The following DNAJC3 variants were observed in gnomAD, a reference collection of about 807,000 sequenced individuals.
The protein encoded by DNAJC3 is dnaJ homolog subfamily C member 3.
A neutral mutation model predicts 68.6 loss-of-function variants in DNAJC3; 38 were observed. The ratio of observed to expected loss-of-function variants is 0.55; its 90% confidence interval spans 0.43 to 0.73. The LOEUF is 0.73. DNAJC3 is among the 30% of genes least tolerant of loss of function. DNAJC3 has a pLI of 0.00. For synonymous variants in DNAJC3, 203 were observed against 204.0 expected, an observed-to-expected ratio of 1.00 and a Z score of 0.04; for missense variants, 526 against 591.9, an observed-to-expected ratio of 0.89 and a Z score of 1.16.
chr13:95,695,836 A>G (rs1195566799), intron 1 of DNAJC3: 1 of 152,204 alleles, frequency 6.6e-6, no homozygotes, highest in African/African-American at 2.4e-5. Context: ...ATACCGCTTC[A>G]CCATCAACAC....
intron 4 of DNAJC3, among the ~76,000 whole-genome samples, chr13:95,739,556 C>T (rs988480295): frequency 7.2e-5 from 11 of 151,968 alleles, no homozygotes; most frequent in South Asian, 4.1e-4. Flanking sequence ...CTTCCCTTCT[C>T]GCTTCATTTC....
chr13:95,794,381 T>G lies in DNAJC3; in HGVS notation c.*3351T>G, dbSNP rs1179234504. On this transcript the variant is annotated 3_prime_UTR_variant, in exon 12 of 12. Coordinates refer to ENST00000602402, the MANE Select transcript of DNAJC3 (RefSeq NM_006260.5). ...GGTGAGGTTACAGACACGGCCCTGG[T>G]GATGGGCGTTGCAAAGTTTTCACTG... is the stretch of plus-strand genomic sequence containing the variant. 1 of 152,198 alleles carries G rather than the reference T, an allele frequency of 6.6e-6. No homozygotes were observed. The highest frequency in any genetic ancestry group is 6.5e-5 in the Admixed American group (1 of 15,276). The allele number at this position is 152,198 out of a possible 1,614,324, so 9.4% of individuals were successfully genotyped here. A position where few individuals can be genotyped will look rare whatever the true frequency, so the allele number is the denominator to read the frequency against.
intron 2 of DNAJC3, among the ~76,000 whole-genome samples, chr13:95,722,457 C>T: frequency 6.6e-6 from 1 of 151,984 alleles, no homozygotes; most frequent in Non-Finnish European, 1.5e-5. Flanking sequence ...TAGAGACAAA[C>T]TGAATTGCAT....
rs1393039075 is a variant in DNAJC3 at position 95,791,997 on chromosome 13, C to CTTCTA, written c.*969_*973dup. 1 of 152,118 alleles carries CTTCTA rather than the reference C, an allele frequency of 6.6e-6. No individual in the cohort carries two copies. Among genetic ancestry groups the CTTCTA allele is most frequent in the Non-Finnish European group, 1.5e-5 (1 of 68,048 alleles). 9.4% of individuals were successfully genotyped at this position (152,118 alleles called of 1,614,324 possible). A position where few individuals can be genotyped will look rare whatever the true frequency, so the allele number is the denominator to read the frequency against. On this transcript the variant is annotated 3_prime_UTR_variant, in exon 12 of 12. Coordinates refer to ENST00000602402, the MANE Select transcript of DNAJC3 (RefSeq NM_006260.5). ...AGACAGTGGGCAGCTTCTGTTTCTCCTTCTATCAAGGCTTCACCCTATCTT... is the reference window on the plus strand; with the variant it reads ...AGACAGTGGGCAGCTTCTGTTTCTCCTTCTATTCTATCAAGGCTTCACCCTATCTT...
At chr13:95,723,779 G>T (rs1881421163) in intron 3 of DNAJC3, among the ~76,000 whole-genome samples, 1 of 152,206 alleles carries the variant, frequency 6.6e-6, no homozygotes, top group South Asian at 2.1e-4. Context: ...GCTATGATTT[G>T]TGGTGACAAT....
At chr13:95,715,267 G>A (rs1881099414) in intron 2 of DNAJC3, among the ~76,000 whole-genome samples, 1 of 152,134 alleles carries the variant, frequency 6.6e-6, no homozygotes, top group Non-Finnish European at 1.5e-5. Flanking sequence ...GCCAGGCATG[G>A]CAGTGCCCAC....
At chr13:95,739,738 C>G (rs1192835187) in intron 4 of DNAJC3, among the ~76,000 whole-genome samples, 1 of 151,982 alleles carries the variant, frequency 6.6e-6, no homozygotes, top group Non-Finnish European at 1.5e-5. Flanking sequence ...AGTTTTCAAC[C>G]TCTTTGCCTT....
At chr13:95,711,914 T>G (rs1880981219) in intron 2 of DNAJC3, among the ~76,000 whole-genome samples, 1 of 152,058 alleles carries the variant, frequency 6.6e-6, no homozygotes, top group African/African-American at 2.4e-5. Flanking sequence ...AATAAAAATA[T>G]TATAGGAAAG....
intron 9 of DNAJC3, among the ~76,000 whole-genome samples, chr13:95,772,765 C>A (rs1352230390): frequency 1.3e-5 from 2 of 152,288 alleles, no homozygotes; most frequent in Non-Finnish European, 2.9e-5. Context: ...ATGTTTTCCC[C>A]TTTATTCCAT....
At chr13:95,786,945 A>AT in intron 10 of DNAJC3, 62 bp from the exon 11 acceptor site, 6 of 1,552,318 alleles carry the variant, frequency 3.9e-6, no homozygotes, top group Non-Finnish European at 5.2e-6. Flanking sequence ...AGCTCTTCTG[A>AT]TTTTTATGAT....
chr13:95,723,147 AG>A, intron 2 of DNAJC3, 94 bp from the exon 3 acceptor site: 1 of 1,097,732 alleles, frequency 9.1e-7, no homozygotes, highest in Non-Finnish European at 1.3e-6. Context: ...ATCTTAGTAG[AG>A]TTGCAAGTGC....
intron 2 of DNAJC3, among the ~76,000 whole-genome samples, chr13:95,719,280 G>A (rs1229634324): frequency 6.6e-6 from 1 of 152,212 alleles, no homozygotes; most frequent in Non-Finnish European, 1.5e-5. Context: ...CTGCATGGAA[G>A]TTCTTCCAAA....
At chr13:95,715,274 C>T (rs1181057483) in intron 2 of DNAJC3, among the ~76,000 whole-genome samples, 1 of 152,064 alleles carries the variant, frequency 6.6e-6, no homozygotes, top group Non-Finnish European at 1.5e-5. Flanking sequence ...ATGGCAGTGC[C>T]CACCTGTAGT....
At chr13:95,694,507 G>A (rs1880374371) in intron 1 of DNAJC3, 1 of 152,442 alleles carries the variant, frequency 6.6e-6, no homozygotes, top group African/African-American at 2.4e-5. Context: ...ATTCCCACAT[G>A]GCTTGTAACC....
intron 1 of DNAJC3, among the ~76,000 whole-genome samples, chr13:95,704,851 G>GTTTTTTTGTTTTTTTT (rs1437981663): frequency 2.0e-5 from 2 of 97,860 alleles, no homozygotes; most frequent in African/African-American, 1.2e-4. Context: ...GTGTGTGTGT[G>GTTTTTTTGTTTTTTTT]TTTTTTTTTT....
intron 4 of DNAJC3, among the ~76,000 whole-genome samples, chr13:95,735,225 G>C (rs1219861572): frequency 8.0e-6 from 1 of 124,424 alleles, no homozygotes; most frequent in East Asian, 2.2e-4. Context: ...TATCATTGTT[G>C]GACATTTGGG....
chr13:95,709,695 A>G (rs900897579), intron 2 of DNAJC3, among the ~76,000 whole-genome samples: 5 of 140,644 alleles, frequency 3.6e-5, no homozygotes, highest in Admixed American at 2.3e-4. Context: ...GCTGGAGTGC[A>G]GTGGCACGAT....
chr13:95,734,770 G>A (rs1342500974), intron 4 of DNAJC3, among the ~76,000 whole-genome samples: 4 of 148,222 alleles, frequency 2.7e-5, no homozygotes, highest in Admixed American at 2.0e-4. Context: ...CTGTCTTCAA[G>A]TTCTGAAATT....
chr13:95,744,601 A>T (rs1207690205), intron 4 of DNAJC3: 2 of 152,222 alleles, frequency 1.3e-5, no homozygotes, highest in African/African-American at 4.8e-5. Flanking sequence ...TGGCAAATTC[A>T]TATGTATGTA....
Sources: gnomAD v4.1 joint callset for allele counts (sites outside exome capture counted in the v4.1 genomes callset) on GRCh38, gnomAD v4.1.1 for gene constraint, MANE v1.5 for transcripts, NCBI Gene and HGNC (gene_info 2026-07-23, HGNC 2026-07-21) for gene names.